SPP2: variants seen among roughly 807,000 people sequenced by gnomAD.
The protein encoded by SPP2 is secreted phosphoprotein 2, also known as secreted phosphoprotein 24.
SPP2 carries 34 observed loss-of-function variants against 28.8 expected under a neutral mutation model. The observed-to-expected ratio is 1.18, with a 90% CI of 0.90 to 1.57. SPP2 has a LOEUF of 1.57. SPP2 is among the 40% of genes most tolerant of loss of function. The probability of loss-of-function intolerance (pLI) is 0.00; values close to 1 mark genes in which losing one functional copy is unlikely to be tolerated. For missense variants in SPP2, 269 were observed against 263.9 expected (o/e 1.02, Z -0.13); for synonymous variants, 96 against 89.4 (o/e 1.07, Z -0.42).
chr2:234,069,345 G>A (rs973663339), intron 6 of SPP2, among the ~76,000 whole-genome samples: 1 of 152,122 alleles, frequency 6.6e-6, no homozygotes, highest in African/African-American at 2.4e-5. Flanking sequence ...TGTGGGAAGG[G>A]ACTGCCCAGG....
chr2:234,066,425 A>G (rs1693822163), intron 4 of SPP2, 108 bp from the exon 5 acceptor site: 1 of 856,432 alleles, frequency 1.2e-6, no homozygotes, highest in African/African-American at 1.7e-5. Context: ...TTAAAAATGG[A>G]TTATATAACA....
At chr2:234,062,405 G>T (rs949539477) in intron 4 of SPP2, among the ~76,000 whole-genome samples, 1 of 152,154 alleles carries the variant, frequency 6.6e-6, no homozygotes, top group Non-Finnish European at 1.5e-5. Context: ...GGGTTGAAAT[G>T]GACAGAACTC....
At chr2:234,070,158 C>G in intron 7 of SPP2, 135 bp downstream of exon 7, 1 of 611,504 alleles carries the variant, frequency 1.6e-6, no homozygotes, top group South Asian at 1.8e-5. Context: ...TGACCTCCTT[C>G]CCAAGACTTC....
At chr2:234,073,495 C>T (rs1054598357) in intron 7 of SPP2, among the ~76,000 whole-genome samples, 20 of 152,130 alleles carry the variant, frequency 1.3e-4, no homozygotes, top group African/African-American at 4.8e-4. Context: ...TGTTCTAGGA[C>T]TCTTTCATGT....
intron 6 of SPP2, among the ~76,000 whole-genome samples, chr2:234,068,717 TTTA>T (rs1693875329): frequency 6.6e-6 from 1 of 151,926 alleles, no homozygotes; most frequent in African/African-American, 2.4e-5. Flanking sequence ...TTTTTTTTTT[TTTA>T]AATCTCCGTA....
Position 234,070,042 on chromosome 2 carries a change from A to G in SPP2, c.*10+19A>G, listed in dbSNP as rs1205918788. 1.3e-6 allele frequency: 2 copies of G among 1,590,094 alleles called. No individual in the cohort carries two copies. Among genetic ancestry groups the G allele is most frequent in the South Asian group, 2.2e-5 (2 of 90,574 alleles). On this transcript the variant is annotated intron_variant, in intron 7 of 7. Coordinates refer to ENST00000168148, the MANE Select transcript of SPP2 (RefSeq NM_006944.3). ...CCTTGAGGTAAGAAAATGCAGGTGC[A>G]CACAAGTGTATTTAGAAATAGAAGC...
At chr2:234,062,774 G>A (rs1011864588) in intron 4 of SPP2, among the ~76,000 whole-genome samples, 2 of 152,194 alleles carry the variant, frequency 1.3e-5, no homozygotes, top group South Asian at 2.1e-4. Context: ...GGCCAGCTAA[G>A]TTAACGCCTC....
chr2:234,072,707 G>A (rs11563193), intron 7 of SPP2, among the ~76,000 whole-genome samples: 36,559 of 152,022 alleles, frequency 0.24, 5,099 homozygotes, highest in South Asian at 0.42. Flanking sequence ...GAATGAGGCT[G>A]GTAAGGCCGG....
At chr2:234,060,935 A>G (rs191265313) in intron 4 of SPP2, among the ~76,000 whole-genome samples, 52 of 152,198 alleles carry the variant, frequency 3.4e-4, no homozygotes, top group Non-Finnish European at 6.2e-4. Flanking sequence ...GTTCAAAACT[A>G]TTTCTCAGCT....
At chr2:234,068,176 A>G (rs1693865385) in intron 6 of SPP2, among the ~76,000 whole-genome samples, 1 of 152,254 alleles carries the variant, frequency 6.6e-6, no homozygotes, top group Non-Finnish European at 1.5e-5. Flanking sequence ...CGAATAAAGC[A>G]GTAAGAACTC....
At chr2:234,076,490 G>C (rs1690898900) in intron 7 of SPP2, among the ~76,000 whole-genome samples, 1 of 152,088 alleles carries the variant, frequency 6.6e-6, no homozygotes, top group Non-Finnish European at 1.5e-5. Context: ...AGGTTTTTGA[G>C]GTCAAAACTA....
chr2:234,070,233 C>T (rs1266971493), intron 7 of SPP2, among the ~76,000 whole-genome samples: 1 of 152,214 alleles, frequency 6.6e-6, no homozygotes, highest in African/African-American at 2.4e-5. Context: ...GTATCTGTTG[C>T]CACTGATGTG....
In SPP2 at chr2:234,070,009, A is replaced by T; in HGVS notation, c.632A>T (p.Glu211Val). 1 of 1,613,088 alleles carries T rather than the reference A, an allele frequency of 6.2e-7. No individual in the cohort carries two copies. The highest frequency in any genetic ancestry group is 8.5e-7 in the Non-Finnish European group (1 of 1,179,246). The change falls in exon 7 of 8, where the codon GAG becomes GTG. Residue 211 changes from glutamate to valine, a missense_variant. Transcript: ENST00000168148. ...RHRARINTDF[E>V] ...AGAGCAAGAATAAATACTGACTTTG[A>T]GTAACGGCCTTGAGGTAAGAAAATG...
chr2:234,053,816 G>A (rs1449411020), intron 2 of SPP2, among the ~76,000 whole-genome samples: 1 of 151,916 alleles, frequency 6.6e-6, no homozygotes, highest in Non-Finnish European at 1.5e-5. Context: ...GTGGGCATTG[G>A]CCCTATGCTG....
intron 3 of SPP2, 25 bp downstream of exon 3, chr2:234,058,983 G>T (rs1291373543): frequency 2.5e-6 from 4 of 1,597,860 alleles, no homozygotes; most frequent in Non-Finnish European, 3.4e-6. Flanking sequence ...ACCCATCCCA[G>T]AAATGAACAA....
chr2:234,072,904 T>C (rs897365724), intron 7 of SPP2, among the ~76,000 whole-genome samples: 22 of 152,222 alleles, frequency 1.4e-4, no homozygotes, highest in Admixed American at 5.9e-4. Context: ...CCTTTTTATT[T>C]TGAGACAGAG....
intron 7 of SPP2, among the ~76,000 whole-genome samples, chr2:234,073,885 T>C (rs1690844871): frequency 6.6e-6 from 1 of 152,216 alleles, no homozygotes; most frequent in South Asian, 2.1e-4. Flanking sequence ...ATTCTCATGA[T>C]TTTATCCATT....
At chr2:234,070,721 C>A (rs1690749881) in intron 7 of SPP2, among the ~76,000 whole-genome samples, 1 of 152,154 alleles carries the variant, frequency 6.6e-6, no homozygotes, top group Non-Finnish European at 1.5e-5. Context: ...CTCAGCCTCC[C>A]AAAGTGCTAG....
In SPP2 at chr2:234,067,163, GTCATAGAACAT is replaced by G. The variant is rs1200355244; in HGVS notation, c.500-58_500-48del. ...GCATATTTGTGGCATTAACAGTAAA[GTCATAGAACAT>G]TCTGGAACAGTGAGAGGAGTCTTGT... On this transcript the variant is annotated intron_variant, in intron 5 of 7. Transcript: ENST00000168148. 2.7e-6 allele frequency: 4 copies of G among 1,473,042 alleles called. No individual in the cohort carries two copies. In the African/African-American group the frequency reaches 5.5e-5, roughly 20 times the overall value. The allele number at this position is 1,473,042 out of a possible 1,614,324, so 91.2% of individuals were successfully genotyped here.
Sources: allele counts gnomAD v4.1 joint callset (sites outside exome capture counted in the v4.1 genomes callset), GRCh38; gene constraint gnomAD v4.1.1; transcripts MANE v1.5; gene names NCBI Gene and HGNC (gene_info 2026-07-23, HGNC 2026-07-21).